Variants in SLC8A1 observed in about 807,000 individuals in gnomAD.
SLC8A1 encodes the protein sodium/calcium exchanger 1.
A neutral mutation model predicts 68.3 loss-of-function variants in SLC8A1; 18 were observed. The observed-to-expected ratio is 0.26, with a 90% CI of 0.18 to 0.39. The LOEUF (loss-of-function observed/expected upper bound fraction) is 0.39, where lower values mean the gene tolerates loss of function less well. Among genes scored for constraint, SLC8A1 ranks in the 10% least tolerant of loss-of-function variants. The pLI, the probability that SLC8A1 is intolerant of heterozygous loss-of-function variation, is 1.00. For synonymous variants in SLC8A1, 475 were observed against 415.5 expected, an observed-to-expected ratio of 1.14 and a Z score of -1.74; for missense variants, 985 against 1,156.7, an observed-to-expected ratio of 0.85 and a Z score of 2.15.
At chr2:40,265,215 T>C (rs983251524) in intron 2 of SLC8A1, among the ~76,000 whole-genome samples, 1 of 152,170 alleles carries the variant, frequency 6.6e-6, no homozygotes, top group Non-Finnish European at 1.5e-5. Flanking sequence ...ATCTTTATTA[T>C]TTTAGGTCAC....
chr2:40,312,870 CTTTA>C (rs989121873), intron 2 of SLC8A1, among the ~76,000 whole-genome samples: 4 of 151,990 alleles, frequency 2.6e-5, no homozygotes, highest in East Asian at 1.9e-4. Context: ...TTTTTAACAG[CTTTA>C]TTTGATGTAT....
intron 2 of SLC8A1, among the ~76,000 whole-genome samples, chr2:40,410,766 A>T (rs143129321): frequency 2.6e-5 from 4 of 152,178 alleles, no homozygotes; most frequent in Non-Finnish European, 5.9e-5. Context: ...AAATCTGATA[A>T]TACATTGCAT....
chr2:40,505,252 G>C (rs1406341021), intron 1 of SLC8A1, among the ~76,000 whole-genome samples: 2 of 151,852 alleles, frequency 1.3e-5, no homozygotes, highest in African/African-American at 4.8e-5. Context: ...TAGTTAGAAA[G>C]AATGAATAAG....
intron 2 of SLC8A1, among the ~76,000 whole-genome samples, chr2:40,301,255 G>A (rs936612252): frequency 6.6e-6 from 1 of 152,144 alleles, no homozygotes; most frequent in Non-Finnish European, 1.5e-5. Context: ...ACTATAAACT[G>A]GATGTTATAA....
At chr2:40,400,677 A>G (rs2149652869) in intron 2 of SLC8A1, among the ~76,000 whole-genome samples, 1 of 152,120 alleles carries the variant, frequency 6.6e-6, no homozygotes, top group Middle Eastern at 3.4e-3. Context: ...TCAGAGGGAA[A>G]ATGAGGTGGG....
intron 2 of SLC8A1, among the ~76,000 whole-genome samples, chr2:40,253,875 G>C (rs980409742): frequency 6.9e-6 from 1 of 145,208 alleles, no homozygotes; most frequent in Non-Finnish European, 1.5e-5. Context: ...AGGACAGCAG[G>C]AGTGGGGGAT....
chr2:40,130,661 G>A (rs894092166), intron 7 of SLC8A1, among the ~76,000 whole-genome samples: 1 of 152,232 alleles, frequency 6.6e-6, no homozygotes, highest in African/African-American at 2.4e-5. Flanking sequence ...GTAGCCTCTT[G>A]GGGAAACTGA....
chr2:40,369,675 T>C (rs1677389820), intron 2 of SLC8A1, among the ~76,000 whole-genome samples: 1 of 152,014 alleles, frequency 6.6e-6, no homozygotes, highest in African/African-American at 2.4e-5. Flanking sequence ...TACCATGGAG[T>C]ACGCAGGGAG....
chr2:40,437,364 G>A (rs939070668), intron 1 of SLC8A1, among the ~76,000 whole-genome samples: 1 of 152,098 alleles, frequency 6.6e-6, no homozygotes, highest in African/African-American at 2.4e-5. Flanking sequence ...CCTGCCTGAT[G>A]CCTTCCCACT....
intron 2 of SLC8A1, among the ~76,000 whole-genome samples, chr2:40,389,839 T>TG (rs1408541544): frequency 1.4e-5 from 2 of 147,588 alleles, no homozygotes; most frequent in African/African-American, 2.6e-5. Flanking sequence ...ATATGATATA[T>TG]ATATCATATA....
At chr2:40,282,816 C>T (rs2067718448) in intron 2 of SLC8A1, among the ~76,000 whole-genome samples, 1 of 152,108 alleles carries the variant, frequency 6.6e-6, no homozygotes, top group Non-Finnish European at 1.5e-5. Flanking sequence ...AAGTTGAACT[C>T]TGAACCACTA....
chr2:40,113,517 A>G (rs2034837041), exon 8 of SLC8A1: 2 of 121,130 alleles, frequency 1.7e-5, no homozygotes, highest in African/African-American at 6.8e-5. Flanking sequence ...CTCTTTCAGC[A>G]TAAGTAGAGG....
At chr2:40,335,163 T>C (rs1477879461) in intron 2 of SLC8A1, among the ~76,000 whole-genome samples, 1 of 152,214 alleles carries the variant, frequency 6.6e-6, no homozygotes, top group African/African-American at 2.4e-5. Flanking sequence ...AGATATACAA[T>C]ATCCGTATAT....
At chr2:40,101,332 C>G (rs548903902) in exon 8 of SLC8A1, 1 of 152,116 alleles carries the variant, frequency 6.6e-6, no homozygotes, top group East Asian at 1.9e-4. Context: ...GTCAGTCATA[C>G]ACAGCACTCT....
intron 4 of SLC8A1, among the ~76,000 whole-genome samples, chr2:40,173,669 T>C (rs2047951206): frequency 6.6e-6 from 1 of 152,224 alleles, no homozygotes; most frequent in Non-Finnish European, 1.5e-5. Context: ...TGATCAGAAA[T>C]TTGAAGTATA....
At chr2:40,327,704 T>C (rs142387585) in intron 2 of SLC8A1, among the ~76,000 whole-genome samples, 7 of 152,126 alleles carry the variant, frequency 4.6e-5, no homozygotes, top group East Asian at 1.9e-4. Context: ...GAGCTAAACA[T>C]TGGGTACACA....
At chr2:40,191,818 G>A (rs565707561) in intron 2 of SLC8A1, among the ~76,000 whole-genome samples, 5 of 152,206 alleles carry the variant, frequency 3.3e-5, no homozygotes, top group South Asian at 2.1e-4. Flanking sequence ...TCAAAAAAGC[G>A]AATCTTCACC....
intron 2 of SLC8A1, among the ~76,000 whole-genome samples, chr2:40,263,818 G>T (rs943488009): frequency 2.0e-5 from 3 of 152,122 alleles, no homozygotes; most frequent in Non-Finnish European, 2.9e-5. Context: ...AACACAAAAA[G>T]CAATGATAAC....
intron 1 of SLC8A1, among the ~76,000 whole-genome samples, chr2:40,493,238 T>C (rs1159746907): frequency 6.6e-6 from 1 of 151,134 alleles, no homozygotes; most frequent in South Asian, 2.1e-4. Flanking sequence ...AGTAAACTAT[T>C]GGAAGAACAA....
Sources: gnomAD v4.1 joint callset for allele counts (sites outside exome capture counted in the v4.1 genomes callset) on GRCh38, gnomAD v4.1.1 for gene constraint, MANE v1.5 for transcripts, NCBI Gene and HGNC (gene_info 2026-07-23, HGNC 2026-07-21) for gene names.